Variants in NBEA observed in about 807,000 individuals in gnomAD.
The protein encoded by NBEA is lysosomal-trafficking regulator 2.
In NBEA, 44 loss-of-function variants were observed where a neutral mutation model predicts 343.4. The ratio of observed to expected loss-of-function variants is 0.13; its 90% confidence interval spans 0.10 to 0.16. The LOEUF (loss-of-function observed/expected upper bound fraction) is 0.16, where lower values mean the gene tolerates loss of function less well. NBEA is among the 10% of genes least tolerant of loss of function. NBEA has a pLI of 1.00. For synonymous variants in NBEA, 1,175 were observed against 1,238.7 expected, an observed-to-expected ratio of 0.95 and a Z score of 1.08; for missense variants, 2,555 against 3,631.3, an observed-to-expected ratio of 0.70 and a Z score of 7.62.
At chr13:35,425,152 T>G (rs9573884) in intron 38 of NBEA, among the ~76,000 whole-genome samples, 1 of 151,986 alleles carries the variant, frequency 6.6e-6, no homozygotes, top group African/African-American at 2.4e-5. Flanking sequence ...TTTCCTTCAG[T>G]TCTGCTCTAA....
intron 38 of NBEA, among the ~76,000 whole-genome samples, chr13:35,403,582 T>TA (rs2043103216): frequency 6.6e-6 from 1 of 152,070 alleles, no homozygotes. Context: ...ATCCCTTCCT[T>TA]ACACCTTATA....
intron 1 of NBEA, among the ~76,000 whole-genome samples, chr13:35,035,150 G>A (rs538418985): frequency 1.6e-4 from 24 of 151,358 alleles, no homozygotes; most frequent in African/African-American, 5.8e-4. Flanking sequence ...TTTGATATTG[G>A]CACTTATAAA....
intron 47 of NBEA, among the ~76,000 whole-genome samples, chr13:35,605,756 T>C (rs935860675): frequency 7.2e-5 from 11 of 152,316 alleles, no homozygotes; most frequent in African/African-American, 2.4e-4. Flanking sequence ...CAGTTGTTTA[T>C]GCTACAGTTA....
intron 38 of NBEA, among the ~76,000 whole-genome samples, chr13:35,412,508 A>G (rs1012966169): frequency 2.6e-5 from 4 of 152,098 alleles, no homozygotes; most frequent in African/African-American, 4.8e-5. Flanking sequence ...TGTTTTTATT[A>G]TGAAATAGAC....
intron 48 of NBEA, among the ~76,000 whole-genome samples, chr13:35,622,518 T>C: frequency 6.6e-6 from 1 of 152,196 alleles, no homozygotes; most frequent in East Asian, 1.9e-4. Context: ...AACAGTCAAG[T>C]ACTGGAATAA....
intron 47 of NBEA, among the ~76,000 whole-genome samples, chr13:35,600,938 AG>A (rs1202372716): frequency 1.3e-5 from 2 of 152,182 alleles, no homozygotes; most frequent in Admixed American, 1.3e-4. Flanking sequence ...GCACTTGGAA[AG>A]GCAGAGGTGG....
chr13:35,273,518 G>A (rs1021989848), intron 34 of NBEA, among the ~76,000 whole-genome samples: 4 of 152,048 alleles, frequency 2.6e-5, no homozygotes, highest in African/African-American at 7.2e-5. Context: ...ATAAAGAGCA[G>A]AACTGAAGGA....
At chr13:35,539,942 AGT>A (rs1566289260) in intron 41 of NBEA, among the ~76,000 whole-genome samples, 2 of 147,694 alleles carry the variant, frequency 1.4e-5, no homozygotes, top group Admixed American at 6.8e-5. Context: ...AAAAAAAAAA[AGT>A]GCACTAGTAT....
At chr13:35,627,337 A>G (rs768236668) in intron 48 of NBEA, among the ~76,000 whole-genome samples, 1 of 152,170 alleles carries the variant, frequency 6.6e-6, no homozygotes, top group South Asian at 2.1e-4. Flanking sequence ...GTAGTGAGCC[A>G]TGCACCATCA....
chr13:35,251,047 G>T, intron 34 of NBEA: 1 of 160,058 alleles, frequency 6.2e-6, no homozygotes, highest in South Asian at 1.7e-4. Context: ...TTCCACAGAA[G>T]AAAACATGGC....
At chr13:35,612,379 A>C (rs1293621605) in intron 48 of NBEA, among the ~76,000 whole-genome samples, 1 of 152,052 alleles carries the variant, frequency 6.6e-6, no homozygotes, top group Non-Finnish European at 1.5e-5. Flanking sequence ...TGATCTGCCC[A>C]CGTTGACCTC....
intron 28 of NBEA, among the ~76,000 whole-genome samples, chr13:35,181,694 T>C (rs2071332034): frequency 6.6e-6 from 1 of 152,008 alleles, no homozygotes; most frequent in South Asian, 2.1e-4. Flanking sequence ...TTTGTTTTTG[T>C]TGCATTTGCT....
At chr13:35,449,409 A>G (rs926893854) in intron 39 of NBEA, among the ~76,000 whole-genome samples, 1 of 152,214 alleles carries the variant, frequency 6.6e-6, no homozygotes, top group African/African-American at 2.4e-5. Flanking sequence ...GGTTTCTGCT[A>G]AAGTACATGG....
intron 34 of NBEA, among the ~76,000 whole-genome samples, chr13:35,286,685 A>C (rs2152815460): frequency 6.6e-6 from 1 of 152,272 alleles, no homozygotes; most frequent in African/African-American, 2.4e-5. Context: ...TATTAAATAA[A>C]GATAGCTTTG....
At chr13:35,604,483 CCA>C (rs112910408) in intron 47 of NBEA, among the ~76,000 whole-genome samples, 10,417 of 152,012 alleles carry the variant, frequency 0.069, 400 homozygotes, top group African/African-American at 0.092. Flanking sequence ...CCCTTTCTCT[CCA>C]CACTTAGCAG....
At chr13:35,593,220 G>A (rs1490053609) in intron 46 of NBEA, 108 bp from the exon 47 acceptor site, 1 of 1,285,226 alleles carries the variant, frequency 7.8e-7, no homozygotes, top group Non-Finnish European at 1.1e-6. Context: ...CTAGGACCCT[G>A]ATCTGCCTCC....
intron 32 of NBEA, among the ~76,000 whole-genome samples, chr13:35,209,243 G>T (rs777560568): frequency 2.0e-5 from 3 of 152,162 alleles, no homozygotes; most frequent in African/African-American, 4.8e-5. Context: ...TAGATTTGGG[G>T]ACATGATTGG....
At chr13:34,986,217 A>G (rs1052988710) in intron 1 of NBEA, among the ~76,000 whole-genome samples, 1 of 150,552 alleles carries the variant, frequency 6.6e-6, no homozygotes, top group Non-Finnish European at 1.5e-5. Context: ...TGTGCCACTG[A>G]GATTTTGGTA....
intron 44 of NBEA, among the ~76,000 whole-genome samples, chr13:35,559,619 A>G (rs2079755939): frequency 6.6e-6 from 1 of 152,114 alleles, no homozygotes; most frequent in African/African-American, 2.4e-5. Context: ...CATTTTTCCT[A>G]TTGAAACATT....
Sources: allele counts gnomAD v4.1 joint callset (sites outside exome capture counted in the v4.1 genomes callset), GRCh38; gene constraint gnomAD v4.1.1; transcripts MANE v1.5; gene names NCBI Gene and HGNC (gene_info 2026-07-23, HGNC 2026-07-21).